ADCK1: variants seen among roughly 807,000 people sequenced by gnomAD.
ADCK1 encodes the protein aarF domain containing kinase 1, also known as aarF domain-containing protein kinase 1.
ADCK1 carries 41 observed loss-of-function variants against 52.3 expected under a neutral mutation model. The ratio of observed to expected loss-of-function variants is 0.78; its 90% CI spans 0.61 to 1.02. ADCK1 has a LOEUF of 1.02. ADCK1 is among the 50% of genes least tolerant of loss of function. The probability of loss-of-function intolerance (pLI) is 0.00; values close to 1 mark genes in which losing one functional copy is unlikely to be tolerated. For missense variants in ADCK1, 658 were observed against 679.5 expected, an observed-to-expected ratio of 0.97 and a Z score of 0.35; for synonymous variants, 250 against 274.6, an observed-to-expected ratio of 0.91 and a Z score of 0.89.
chr14:77,801,936 G>A (rs774396841), intron 1 of ADCK1, among the ~76,000 whole-genome samples: 9 of 151,658 alleles, frequency 5.9e-5, no homozygotes, highest in Admixed American at 2.0e-4. Context: ...GCAAGACTCC[G>A]TCTAAAAAAA....
intron 3 of ADCK1, among the ~76,000 whole-genome samples, chr14:77,837,621 C>T (rs1226913270): frequency 6.6e-6 from 1 of 152,188 alleles, no homozygotes; most frequent in Non-Finnish European, 1.5e-5. Context: ...CCACTCTACT[C>T]CCCGGCTCAC....
chr14:77,806,103 G>T (rs2081220563), intron 1 of ADCK1, among the ~76,000 whole-genome samples: 1 of 150,704 alleles, frequency 6.6e-6, no homozygotes, highest in South Asian at 2.1e-4. Flanking sequence ...TCGAGGTCAG[G>T]AGTTTGAGAG....
chr14:77,864,520 G>A (rs1400351068), intron 4 of ADCK1, among the ~76,000 whole-genome samples: 1 of 152,122 alleles, frequency 6.6e-6, no homozygotes, highest in Non-Finnish European at 1.5e-5. Context: ...GGGGTAAAAG[G>A]TGCCCTCTTT....
intron 9 of ADCK1, among the ~76,000 whole-genome samples, chr14:77,929,575 T>C (rs990662510): frequency 6.6e-6 from 1 of 152,244 alleles, no homozygotes; most frequent in Non-Finnish European, 1.5e-5. Flanking sequence ...AGCTCAGAGC[T>C]AGCCCTGGCT....
intron 3 of ADCK1, among the ~76,000 whole-genome samples, chr14:77,845,427 T>TC (rs1474619383): frequency 6.6e-6 from 1 of 152,174 alleles, no homozygotes; most frequent in Non-Finnish European, 1.5e-5. Flanking sequence ...CCTTTTTTTT[T>TC]CTTCCTTTTT....
intron 1 of ADCK1, among the ~76,000 whole-genome samples, chr14:77,817,796 C>T (rs1028035725): frequency 4.0e-5 from 6 of 151,162 alleles, no homozygotes; most frequent in East Asian, 1.9e-4. Context: ...AGTGCAGTGG[C>T]GCAATCTCGG....
chr14:77,883,976 G>T lies in ADCK1; in HGVS notation c.424-3115G>T, dbSNP rs1021748907. Reference sequence around the variant, plus strand: ...AGGCTTCCTCTCGCCCTGGAGATTAGGATCTGCTCGCCTCAGCTCTTTCTT... The same window carrying T: ...AGGCTTCCTCTCGCCCTGGAGATTATGATCTGCTCGCCTCAGCTCTTTCTT... On this transcript the variant is annotated intron_variant, in intron 4 of 10. Coordinates refer to ENST00000238561, the MANE Select transcript of ADCK1 (RefSeq NM_020421.4). Among the ~76,000 whole-genome samples the T allele has an allele frequency of 2.0e-5, 3 of 152,204 alleles. No individual in the cohort carries two copies. The East Asian group carries it at 5.8e-4, about 29-fold the overall frequency.
chr14:77,819,840 C>G (rs1049102367), intron 2 of ADCK1, among the ~76,000 whole-genome samples: 1 of 152,166 alleles, frequency 6.6e-6, no homozygotes, highest in East Asian at 1.9e-4. Context: ...TTCCCCTTCA[C>G]GTAGATTCAA....
At chr14:77,888,017 T>C (rs1193820121) in intron 5 of ADCK1, among the ~76,000 whole-genome samples, 2 of 152,170 alleles carry the variant, frequency 1.3e-5, no homozygotes, top group Non-Finnish European at 2.9e-5. Flanking sequence ...CACCCTATGC[T>C]AGGTGGGTGC....
intron 6 of ADCK1, among the ~76,000 whole-genome samples, chr14:77,905,313 T>TTTTG (rs1190645017): frequency 6.9e-6 from 1 of 144,266 alleles, no homozygotes; most frequent in African/African-American, 2.6e-5. Flanking sequence ...GGTTTTTTTT[T>TTTTG]TTTTTTTTTT....
intron 9 of ADCK1, among the ~76,000 whole-genome samples, chr14:77,927,608 G>A (rs917616729): frequency 6.6e-6 from 1 of 152,178 alleles, no homozygotes; most frequent in South Asian, 2.1e-4. Context: ...TGCCCTGGAC[G>A]AAACAAGTAG....
rs2084390541 is a variant in ADCK1 at position 77,933,528 on chromosome 14, C to T, written c.*137C>T. The T allele has an allele frequency of 8.5e-6, 9 of 1,053,588 alleles. No individual in the cohort carries two copies. The South Asian group carries it at 1.2e-4, about 14-fold the overall frequency. 65.3% of individuals were successfully genotyped at this position (1,053,588 alleles called of 1,614,324 possible). A position where few individuals can be genotyped will look rare whatever the true frequency, so the allele number is the denominator to read the frequency against. ...CACTGTCCATGTCACCATCCTTCTC[C>T]TCCTTTGGAATCCTCTCCGCACACT... On this transcript the variant is annotated 3_prime_UTR_variant, in exon 11 of 11. Transcript: ENST00000238561.
At chr14:77,853,899 C>T (rs2082364351) in intron 3 of ADCK1, among the ~76,000 whole-genome samples, 1 of 152,200 alleles carries the variant, frequency 6.6e-6, no homozygotes, top group African/African-American at 2.4e-5. Context: ...GTCTTCTGGT[C>T]ACTGCCTGGC....
At chr14:77,872,585 G>C (rs937027171) in intron 4 of ADCK1, among the ~76,000 whole-genome samples, 10 of 152,042 alleles carry the variant, frequency 6.6e-5, no homozygotes, top group Admixed American at 3.3e-4. Flanking sequence ...CTGGCCTTGG[G>C]GGGAGAGTGG....
At chr14:77,917,233 CA>C (rs2083945954) in intron 7 of ADCK1, among the ~76,000 whole-genome samples, 1 of 150,976 alleles carries the variant, frequency 6.6e-6, no homozygotes, top group Non-Finnish European at 1.5e-5. Flanking sequence ...TTTTTTTTTT[CA>C]AAAAGCTCTA....
At chr14:77,807,091 C>T (rs1371052064) in intron 1 of ADCK1, among the ~76,000 whole-genome samples, 15 of 75,226 alleles carry the variant, frequency 2.0e-4, no homozygotes, top group Admixed American at 1.9e-3. Context: ...TTTTTTGAGA[C>T]GGAGTCTCGC....
At chr14:77,908,024 T>A in intron 7 of ADCK1, 105 bp downstream of exon 7, 1 of 861,082 alleles carries the variant, frequency 1.2e-6, no homozygotes, top group African/African-American at 1.7e-5. Context: ...TCTGGCCCCC[T>A]TGTCTTTAAT....
chr14:77,805,510 C>T (rs2081204994), intron 1 of ADCK1, among the ~76,000 whole-genome samples: 2 of 152,026 alleles, frequency 1.3e-5, no homozygotes, highest in South Asian at 4.1e-4. Context: ...GATCCACCTG[C>T]CTCGGCCTCC....
intron 3 of ADCK1, among the ~76,000 whole-genome samples, chr14:77,833,522 A>C (rs1274661737): frequency 6.6e-6 from 1 of 152,190 alleles, no homozygotes; most frequent in Non-Finnish European, 1.5e-5. Context: ...TCTAAGGACC[A>C]GTTCTTTGGA....
Sources: allele counts gnomAD v4.1 joint callset (sites outside exome capture counted in the v4.1 genomes callset), GRCh38; gene constraint gnomAD v4.1.1; transcripts MANE v1.5; gene names NCBI Gene and HGNC (gene_info 2026-07-23, HGNC 2026-07-21).